The following CELF5 variants were observed in gnomAD, a reference collection of about 807,000 sequenced individuals.
CELF5 encodes CUGBP Elav-like family member 5.
In CELF5, 6 loss-of-function variants were observed where a neutral mutation model predicts 54.9. That is an observed-to-expected ratio of 0.11 (90% CI 0.06 to 0.22). The LOEUF (loss-of-function observed/expected upper bound fraction) is 0.22. Among genes scored for constraint, CELF5 ranks in the 10% least tolerant of loss-of-function variants. The pLI, the probability that CELF5 is intolerant of heterozygous loss-of-function variation, is 1.00. For synonymous variants in CELF5, 271 were observed against 290.9 expected, an observed-to-expected ratio of 0.93 and a Z score of 0.70; for missense variants, 401 against 678.6, an observed-to-expected ratio of 0.59 and a Z score of 4.54.
At chr19:3,291,008 C>A (rs1489976117) in intron 11 of CELF5, among the ~76,000 whole-genome samples, 1 of 151,834 alleles carries the variant, frequency 6.6e-6, no homozygotes, top group Non-Finnish European at 1.5e-5. Context: ...TGCCTGTAGT[C>A]CCAACTACTC....
At position 3,297,016 on chromosome 19, in the gene CELF5, GAAAAAAAA is replaced by G. The variant is rs34182547; in HGVS notation, c.*313_*320del. On this transcript the variant is annotated 3_prime_UTR_variant, in exon 13 of 13. Coordinates refer to ENST00000292672, the MANE Select transcript of CELF5 (RefSeq NM_021938.4). The stretch of plus-strand genomic sequence containing the variant: ...TCAAAACGCCTCTCTTTGGTCTGGA[GAAAAAAAA>G]AAAAAAAAAAAAACAACTAAAAATT... The G allele has an allele frequency of 2.0e-5, 2 of 100,890 alleles. No individual in the cohort carries two copies. The highest frequency in any genetic ancestry group is 3.8e-5 in the African/African-American group (1 of 26,446). 6.2% of individuals were successfully genotyped at this position (100,890 alleles called of 1,614,324 possible).
intron 1 of CELF5, among the ~76,000 whole-genome samples, chr19:3,245,228 G>T (rs549114380): frequency 6.8e-6 from 1 of 147,752 alleles, no homozygotes; most frequent in African/African-American, 2.5e-5. Context: ...GGTGTGTGAT[G>T]TGTATATGCA....
intron 2 of CELF5, among the ~76,000 whole-genome samples, chr19:3,252,080 C>T (rs557228887): frequency 2.7e-5 from 4 of 150,154 alleles, no homozygotes; most frequent in East Asian, 4.7e-4. Context: ...CAGGGTCTTG[C>T]TCTGTTACCC....
chr19:3,285,855 G>GCCC, intron 9 of CELF5, 87 bp from the exon 10 acceptor site: 1 of 836,420 alleles, frequency 1.2e-6, no homozygotes, highest in South Asian at 2.0e-5. Context: ...CCCTCTTATG[G>GCCC]CCCCGCCCCC....
rs1491233786 is a variant in CELF5, at chr19:3,278,420, CAT to C, written c.603+311_603+312del. ...GTGTGAGTGTGCCCGAGACTGCATG[CAT>C]GTGTGTGTGTGAGTGCGTGTTTGAG... On this transcript the variant is annotated intron_variant, in intron 5 of 12. Transcript: ENST00000292672. This position sits in a 1 kb window ranked among gnomAD's most constrained non-coding sequence, Gnocchi z 4.5. Among the ~76,000 whole-genome samples the C allele has an allele frequency of 4.0e-5, 6 of 151,174 alleles. No individual in the cohort carries two copies. Among genetic ancestry groups the C allele is most frequent in the South Asian group, 2.1e-4 (1 of 4,786 alleles).
intron 8 of CELF5, among the ~76,000 whole-genome samples, chr19:3,283,003 G>A (rs551252906): frequency 6.6e-6 from 1 of 152,078 alleles, no homozygotes; most frequent in South Asian, 2.1e-4. Flanking sequence ...GCTAATTTTT[G>A]TAGTTTTAGT....
chr19:3,296,397 C>T (rs556085017), intron 12 of CELF5: 2 of 119,392 alleles, frequency 1.7e-5, no homozygotes, highest in South Asian at 5.0e-4. Flanking sequence ...TGTTGACTGA[C>T]CCGGAGGGGG....
chr19:3,284,449 G>A (rs1365920118), intron 8 of CELF5, among the ~76,000 whole-genome samples: 1 of 152,080 alleles, frequency 6.6e-6, no homozygotes, highest in South Asian at 2.1e-4. Context: ...TTTCCCTAGC[G>A]GTAGCAGGAA....
intron 10 of CELF5, chr19:3,286,687 T>TC (rs1330464976): frequency 8.7e-6 from 1 of 114,490 alleles, no homozygotes; most frequent in Non-Finnish European, 1.6e-5. Flanking sequence ...AGCTACTATC[T>TC]CCCCACTGGA....
intron 11 of CELF5, among the ~76,000 whole-genome samples, chr19:3,292,899 T>C (rs1373855076): frequency 6.6e-6 from 1 of 151,594 alleles, no homozygotes; most frequent in East Asian, 1.9e-4. Context: ...CTGTCCCCAC[T>C]CCCTTCTGCA....
chr19:3,253,288 G>A (rs1171269476), intron 2 of CELF5, among the ~76,000 whole-genome samples: 4 of 152,132 alleles, frequency 2.6e-5, no homozygotes, highest in African/African-American at 9.7e-5. Context: ...ATAAGCACTT[G>A]TTATTTCACA....
In CELF5 at chr19:3,284,894, G is replaced by A. The variant is rs1467062604; in HGVS notation, c.1040-8G>A. 1.9e-6 allele frequency: 3 copies of A among 1,611,944 alleles called. No individual in the cohort carries two copies. In the South Asian group the frequency reaches 3.3e-5, roughly 18 times the overall value. The stretch of plus-strand genomic sequence containing the variant: ...CCCGCCCCACTCAGCCCCTCTGTCT[G>A]CCCGCAGCTCAGAGCCCGACTGTGG... On this transcript the variant is annotated splice_region_variant and splice_polypyrimidine_tract_variant and intron_variant, in intron 8 of 12. Coordinates refer to ENST00000292672, the MANE Select transcript of CELF5 (RefSeq NM_021938.4).
At chr19:3,283,308 A>G (rs1056649377) in intron 8 of CELF5, among the ~76,000 whole-genome samples, 6 of 152,110 alleles carry the variant, frequency 3.9e-5, no homozygotes, top group Admixed American at 3.3e-4. Context: ...TCTTTCCACC[A>G]TGTAGGAGAA....
At chr19:3,254,526 C>G (rs2079694187) in intron 2 of CELF5, among the ~76,000 whole-genome samples, 1 of 151,232 alleles carries the variant, frequency 6.6e-6, no homozygotes, top group Non-Finnish European at 1.5e-5. Flanking sequence ...TCCATCCATT[C>G]ACACACTGAT....
intron 2 of CELF5, among the ~76,000 whole-genome samples, chr19:3,256,365 C>T (rs1244119177): frequency 6.6e-6 from 1 of 152,062 alleles, no homozygotes; most frequent in African/African-American, 2.4e-5. Flanking sequence ...CAAGGGCAGT[C>T]CCTGGGCTGA....
At chr19:3,248,218 C>A (rs904003150) in intron 1 of CELF5, among the ~76,000 whole-genome samples, 3 of 152,102 alleles carry the variant, frequency 2.0e-5, no homozygotes, top group Non-Finnish European at 2.9e-5. Context: ...TGCAGTGGTG[C>A]TATCATAGCT....
At chr19:3,250,406 G>A (rs111971619) in intron 1 of CELF5, among the ~76,000 whole-genome samples, 3 of 152,068 alleles carry the variant, frequency 2.0e-5, no homozygotes, top group African/African-American at 7.2e-5. Flanking sequence ...GGAGAATGAC[G>A]TGAACCCGGG....
chr19:3,250,957 T>G, intron 1 of CELF5, 28 bp from the exon 2 acceptor site: 1 of 1,583,844 alleles, frequency 6.3e-7, no homozygotes, highest in Non-Finnish European at 8.7e-7. Context: ...CCGTGCTCTC[T>G]TAACACCCCC....
chr19:3,270,309 G>A (rs907008777), intron 2 of CELF5, among the ~76,000 whole-genome samples: 11 of 152,198 alleles, frequency 7.2e-5, no homozygotes, highest in African/African-American at 2.7e-4. Flanking sequence ...GAAGGGAAGG[G>A]TCAGGGAAGG....
Sources: allele counts gnomAD v4.1 joint callset (sites outside exome capture counted in the v4.1 genomes callset), GRCh38; gene constraint gnomAD v4.1.1; non-coding constraint Gnocchi (gnomAD v3.1); transcripts MANE v1.5; gene names NCBI Gene and HGNC (gene_info 2026-07-23, HGNC 2026-07-21).